DLG1: variants seen among roughly 807,000 people sequenced by gnomAD.
The protein encoded by DLG1 is disks large homolog 1.
Under a neutral mutation model 123.4 loss-of-function variants are expected in DLG1, and 42 were observed. The observed-to-expected ratio is 0.34, with a 90% CI of 0.27 to 0.44. The LOEUF (loss-of-function observed/expected upper bound fraction) is 0.44, where lower values mean the gene tolerates loss of function less well. DLG1 is among the 20% of genes least tolerant of loss of function. The pLI, the probability that DLG1 is intolerant of heterozygous loss-of-function variation, is 1.00. For missense variants in DLG1, 942 were observed against 1,082.6 expected (o/e 0.87, Z 1.82); for synonymous variants, 317 against 356.2 (o/e 0.89, Z 1.24).
At chr3:197,097,510 T>C (rs1429044935) in intron 14 of DLG1, among the ~76,000 whole-genome samples, 1 of 152,046 alleles carries the variant, frequency 6.6e-6, no homozygotes, top group African/African-American at 2.4e-5. Context: ...TTGGCTTTCC[T>C]AATTTTTTTG....
intron 9 of DLG1, among the ~76,000 whole-genome samples, chr3:197,136,976 T>A (rs1378940904): frequency 6.6e-6 from 1 of 152,222 alleles, no homozygotes; most frequent in African/African-American, 2.4e-5. Flanking sequence ...TTTGTTTCCA[T>A]CATAATTATG....
Position 197,061,802 on chromosome 3 carries a change from C to T in DLG1, c.2374-1804G>A, listed in dbSNP as rs899839899. On this transcript the variant is annotated intron_variant, in intron 22 of 24. Transcript: ENST00000667157. Reference sequence around the variant, plus strand: ...ATCTATTTGTCCCATTATTAGTGATCCTAATTTTGATCACTTGTTTAAGGT... The same window carrying T: ...ATCTATTTGTCCCATTATTAGTGATTCTAATTTTGATCACTTGTTTAAGGT... Among the ~76,000 whole-genome samples the T allele has an allele frequency of 7.9e-5, 12 of 152,118 alleles. 1 individual carries two copies. The highest frequency in any genetic ancestry group is 2.9e-4 in the African/African-American group (12 of 41,494).
chr3:197,180,735 T>C (rs910004116), intron 5 of DLG1, among the ~76,000 whole-genome samples: 1 of 151,674 alleles, frequency 6.6e-6, no homozygotes, highest in Non-Finnish European at 1.5e-5. Context: ...GTATGAAGAA[T>C]GGAGGGGAAG....
intron 13 of DLG1, among the ~76,000 whole-genome samples, chr3:197,107,406 G>A (rs1157058002): frequency 2.0e-5 from 3 of 152,018 alleles, no homozygotes; most frequent in South Asian, 2.1e-4. Flanking sequence ...TTAGCCGGGC[G>A]TGGTGGCAGG....
intron 3 of DLG1, among the ~76,000 whole-genome samples, chr3:197,296,086 C>T (rs1174048205): frequency 6.6e-6 from 1 of 152,282 alleles, no homozygotes; most frequent in East Asian, 1.9e-4. Flanking sequence ...AACATCTGTG[C>T]AACATCTTTT....
At chr3:197,093,896 G>A (rs1399645912) in intron 14 of DLG1, among the ~76,000 whole-genome samples, 1 of 152,082 alleles carries the variant, frequency 6.6e-6, no homozygotes. Flanking sequence ...CCTGGAATCT[G>A]GGCTAGTGCT....
intron 5 of DLG1, among the ~76,000 whole-genome samples, chr3:197,193,771 T>C (rs1441778882): frequency 6.6e-6 from 1 of 151,868 alleles, no homozygotes; most frequent in Non-Finnish European, 1.5e-5. Flanking sequence ...AGGGGAGAGA[T>C]GATAGGATCA....
chr3:197,167,616 G>A (rs563227106), intron 5 of DLG1, among the ~76,000 whole-genome samples: 1 of 152,246 alleles, frequency 6.6e-6, no homozygotes, highest in African/African-American at 2.4e-5. Context: ...GTAACTAGCT[G>A]CAGTCATCAA....
At chr3:197,183,945 T>C (rs1714186008) in intron 5 of DLG1, 6 of 1,431,554 alleles carry the variant, frequency 4.2e-6, no homozygotes, top group Non-Finnish European at 4.6e-6. Flanking sequence ...CCTTGAGAAA[T>C]GATGCTCATT....
chr3:197,196,988 A>G (rs900446440), intron 4 of DLG1, among the ~76,000 whole-genome samples: 2 of 152,224 alleles, frequency 1.3e-5, no homozygotes, highest in African/African-American at 2.4e-5. Flanking sequence ...AGTGAAAGGA[A>G]TTAAAATTTA....
chr3:197,143,677 G>A (rs1207971705), intron 6 of DLG1, among the ~76,000 whole-genome samples: 1 of 152,162 alleles, frequency 6.6e-6, no homozygotes, highest in Non-Finnish European at 1.5e-5. Context: ...TGACCCCAAT[G>A]TACTACTTCC....
chr3:197,061,063 C>CAA (rs1047681386), intron 22 of DLG1, among the ~76,000 whole-genome samples: 7 of 152,212 alleles, frequency 4.6e-5, no homozygotes, highest in African/African-American at 1.7e-4. Context: ...CTTGGCCTCC[C>CAA]AAAGTGCTGG....
intron 5 of DLG1, among the ~76,000 whole-genome samples, chr3:197,179,928 T>C (rs1192593527): frequency 3.9e-5 from 6 of 152,192 alleles, no homozygotes; most frequent in African/African-American, 1.2e-4. Context: ...AAGCAGATTA[T>C]TCAACTCAGC....
chr3:197,275,293 T>A (rs1012556121), intron 4 of DLG1, among the ~76,000 whole-genome samples: 8 of 151,988 alleles, frequency 5.3e-5, no homozygotes, highest in Admixed American at 2.0e-4. Context: ...AAAGGGACAC[T>A]CTGGTACACT....
intron 4 of DLG1, among the ~76,000 whole-genome samples, chr3:197,245,499 T>TA (rs542455620): frequency 1.2e-3 from 185 of 152,310 alleles, no homozygotes; most frequent in Admixed American, 2.6e-3. Context: ...TCTTACATAT[T>TA]AGACAATTAT....
intron 3 of DLG1, among the ~76,000 whole-genome samples, chr3:197,295,688 A>T (rs1044027858): frequency 2.6e-5 from 4 of 152,236 alleles, no homozygotes; most frequent in Non-Finnish European, 5.9e-5. Flanking sequence ...TCATTTCAAC[A>T]GCTACATTCT....
intron 5 of DLG1, among the ~76,000 whole-genome samples, chr3:197,173,069 C>T (rs1400222691): frequency 6.6e-6 from 1 of 152,130 alleles, no homozygotes; most frequent in Non-Finnish European, 1.5e-5. Context: ...TCTCATTTTG[C>T]CTTTCCAGTT....
chr3:197,244,562 G>A (rs572552099), intron 4 of DLG1, among the ~76,000 whole-genome samples: 2 of 151,198 alleles, frequency 1.3e-5, no homozygotes, highest in South Asian at 2.1e-4. Context: ...AGTAGAGAGG[G>A]GAAAGAAAAA....
chr3:197,102,749 C>A (rs754771995), intron 14 of DLG1, among the ~76,000 whole-genome samples: 2 of 152,138 alleles, frequency 1.3e-5, no homozygotes. Context: ...GTGGCAGGTG[C>A]CTGTAATCCC....
Sources: allele counts gnomAD v4.1 joint callset (sites outside exome capture counted in the v4.1 genomes callset), GRCh38; gene constraint gnomAD v4.1.1; transcripts MANE v1.5; gene names NCBI Gene and HGNC (gene_info 2026-07-23, HGNC 2026-07-21).